The following ROBO2 variants were observed in gnomAD, a reference collection of about 807,000 sequenced individuals.
ROBO2 encodes the protein roundabout guidance receptor 2.
In ROBO2, 53 loss-of-function variants were observed where a neutral mutation model predicts 160.8. The ratio of observed to expected loss-of-function variants is 0.33; its 90% confidence interval spans 0.26 to 0.41. The LOEUF (loss-of-function observed/expected upper bound fraction) is 0.41, where lower values mean the gene tolerates loss of function less well. Ranked by LOEUF, ROBO2 falls within the 10% of genes least tolerant of loss-of-function variation. ROBO2 has a pLI of 1.00. For synonymous variants in ROBO2, 664 were observed against 611.7 expected, an observed-to-expected ratio of 1.09 and a Z score of -1.26; for missense variants, 1,577 against 1,722.4, an observed-to-expected ratio of 0.92 and a Z score of 1.49.
chr3:77,420,545 T>C (rs181028785), intron 2 of ROBO2, among the ~76,000 whole-genome samples: 2 of 152,140 alleles, frequency 1.3e-5, no homozygotes, highest in Non-Finnish European at 1.5e-5. Context: ...AGTTGGGAAA[T>C]GTTCAACAGA....
intron 2 of ROBO2, among the ~76,000 whole-genome samples, chr3:75,942,703 G>T (rs1366177706): frequency 6.6e-6 from 1 of 152,096 alleles, no homozygotes; most frequent in Non-Finnish European, 1.5e-5. Context: ...GAGATTACAT[G>T]CATTCCCATA....
At chr3:76,303,977 A>G (rs2071197689) in intron 2 of ROBO2, among the ~76,000 whole-genome samples, 1 of 152,204 alleles carries the variant, frequency 6.6e-6, no homozygotes, top group Admixed American at 6.5e-5. Flanking sequence ...AGGAAAAAGG[A>G]ATAAAAATAT....
intron 2 of ROBO2, among the ~76,000 whole-genome samples, chr3:76,444,705 G>T (rs754182847): frequency 1.3e-5 from 2 of 152,186 alleles, no homozygotes; most frequent in Non-Finnish European, 2.9e-5. Flanking sequence ...GGATTGCGGG[G>T]TGATGGAGTT....
At chr3:76,957,999 C>G (rs754836486) in intron 2 of ROBO2, among the ~76,000 whole-genome samples, 4 of 152,168 alleles carry the variant, frequency 2.6e-5, no homozygotes, top group Non-Finnish European at 5.9e-5. Flanking sequence ...GATTTCTCCT[C>G]GCTTTCTACT....
In ROBO2 at chr3:76,346,807, A is replaced by AG. The variant is rs1315936771; in HGVS notation, c.109+409205_109+409206insG. On this transcript the variant is annotated intron_variant, in intron 2 of 26. Transcript: ENST00000487694. ...CATCTCTTCAGCAAAACTTTGCCTG[A>AG]TATACTCACTGAGTGACAACATGAA... Among the ~76,000 whole-genome samples, 3 of 152,204 alleles carry AG rather than the reference A, an allele frequency of 2.0e-5. No homozygotes were observed. In the East Asian group the frequency reaches 5.8e-4, roughly 29 times the overall value.
chr3:77,307,203 A>G (rs1416182927), intron 2 of ROBO2, among the ~76,000 whole-genome samples: 4 of 152,246 alleles, frequency 2.6e-5, no homozygotes, highest in Non-Finnish European at 5.9e-5. Context: ...GATGGCTGGT[A>G]TGAAAAAGAT....
At chr3:76,101,580 GGTACAT>G (rs2069682903) in intron 2 of ROBO2, among the ~76,000 whole-genome samples, 1 of 151,916 alleles carries the variant, frequency 6.6e-6, no homozygotes. Context: ...GAAGTTTTGG[GGTACAT>G]GTGCACAATG....
chr3:76,623,596 A>T (rs999829273), intron 2 of ROBO2, among the ~76,000 whole-genome samples: 9 of 152,220 alleles, frequency 5.9e-5, no homozygotes, highest in African/African-American at 2.2e-4. Context: ...ACTCTAAAGT[A>T]TCTTTGCAAG....
At chr3:75,942,504 A>G (rs73841036) in intron 2 of ROBO2, among the ~76,000 whole-genome samples, 1 of 152,168 alleles carries the variant, frequency 6.6e-6, no homozygotes, top group African/African-American at 2.4e-5. Context: ...AAAAATTTAA[A>G]TGAATTCAAT....
At chr3:76,899,434 A>G (rs2148865443) in intron 2 of ROBO2, among the ~76,000 whole-genome samples, 1 of 152,260 alleles carries the variant, frequency 6.6e-6, no homozygotes, top group East Asian at 1.9e-4. Flanking sequence ...TTAGGGTCCG[A>G]AAGTTCTCTC....
chr3:76,300,752 C>T (rs1310022232), intron 2 of ROBO2, among the ~76,000 whole-genome samples: 4 of 152,002 alleles, frequency 2.6e-5, no homozygotes, highest in Admixed American at 6.6e-5. Flanking sequence ...AAGAAATTCC[C>T]TCTTCCTGGA....
At chr3:75,945,443 A>C (rs1311542326) in intron 2 of ROBO2, among the ~76,000 whole-genome samples, 1 of 152,080 alleles carries the variant, frequency 6.6e-6, no homozygotes, top group East Asian at 1.9e-4. Flanking sequence ...AATTGTGTAG[A>C]GTCTTATTTG....
chr3:76,202,667 C>T (rs1255237496), intron 2 of ROBO2, among the ~76,000 whole-genome samples: 3 of 152,120 alleles, frequency 2.0e-5, no homozygotes, highest in African/African-American at 7.2e-5. Context: ...ATGATACAGT[C>T]ATCTAAAGGG....
intron 2 of ROBO2, among the ~76,000 whole-genome samples, chr3:77,030,583 A>T (rs891450416): frequency 1.3e-5 from 2 of 152,204 alleles, no homozygotes; most frequent in African/African-American, 2.4e-5. Context: ...TATAAAGCCT[A>T]GACCTCCAGA....
rs527649403 is a variant in ROBO2 at position 76,865,262 on chromosome 3, C to T, written c.110-232752C>T. Among the ~76,000 whole-genome samples, 6 of 152,132 alleles carry T rather than the reference C, an allele frequency of 3.9e-5. No homozygotes were observed. In the East Asian group the frequency reaches 1.2e-3, roughly 29 times the overall value. On this transcript the variant is annotated intron_variant, in intron 2 of 26. Coordinates refer to the ROBO2 transcript ENST00000487694. Reference sequence around the variant, plus strand: ...ATTTGCATTCTGTTGTGGCCCAATACTTTTGTAAAATACAAAAAGAATGAA... The same window carrying T: ...ATTTGCATTCTGTTGTGGCCCAATATTTTTGTAAAATACAAAAAGAATGAA...
exon 25 of ROBO2, chr3:77,644,721 T>A: frequency 6.2e-7 from 1 of 1,614,072 alleles, no homozygotes; most frequent in East Asian, 2.2e-5. Context: ...CTTGGTGCCC[T>A]ATAGCAAGCC....
chr3:77,168,294 T>C (rs955147728), intron 2 of ROBO2, among the ~76,000 whole-genome samples: 9 of 152,186 alleles, frequency 5.9e-5, no homozygotes, highest in Admixed American at 1.3e-4. Context: ...CTTGGTCTTA[T>C]GAAATCTTGT....
At chr3:76,987,293 T>C (rs1401960689) in intron 2 of ROBO2, among the ~76,000 whole-genome samples, 2 of 152,194 alleles carry the variant, frequency 1.3e-5, no homozygotes, top group Non-Finnish European at 2.9e-5. Context: ...ACAAAGAACA[T>C]GCTTTCTCAG....
At chr3:77,360,623 C>CT (rs145454749) in intron 2 of ROBO2, among the ~76,000 whole-genome samples, 2,098 of 143,422 alleles carry the variant, frequency 0.015, 20 homozygotes, top group Middle Eastern at 0.054. Flanking sequence ...TTCCAGTTGA[C>CT]TTTTTTTTTT....
Sources: gnomAD v4.1 joint callset for allele counts (sites outside exome capture counted in the v4.1 genomes callset) on GRCh38, gnomAD v4.1.1 for gene constraint, MANE v1.5 for transcripts, NCBI Gene and HGNC (gene_info 2026-07-23, HGNC 2026-07-21) for gene names.